The following LAMA1 variants were observed in gnomAD, a reference collection of about 807,000 sequenced individuals.
The protein encoded by LAMA1 is laminin subunit alpha-1.
LAMA1 carries 219 observed loss-of-function variants against 348.7 expected under a neutral mutation model. That is an observed-to-expected ratio of 0.63 (90% CI 0.56 to 0.70). LAMA1 has a LOEUF of 0.70. Among genes scored for constraint, LAMA1 ranks in the 30% least tolerant of loss-of-function variants. LAMA1 has a pLI of 0.00. For synonymous variants in LAMA1, 1,487 were observed against 1,491.0 expected (o/e 1.00, Z 0.06); for missense variants, 3,744 against 3,888.0 (o/e 0.96, Z 0.99).
chr18:7,098,958 T>C lies in LAMA1; in HGVS notation c.62-18501A>G, dbSNP rs551746913. 9.2e-5 allele frequency among the ~76,000 whole-genome samples: 14 copies of C among 152,084 alleles called. 1 individual carries two copies. Among genetic ancestry groups the C allele is most frequent in the East Asian group, 7.8e-4 (4 of 5,158 alleles). ...CCCTCTGCCCGGCCACCACCCCGTCTGGGAGGTGTACTCAACAGCTCATTG... is the reference window on the plus strand; with the variant it reads ...CCCTCTGCCCGGCCACCACCCCGTCCGGGAGGTGTACTCAACAGCTCATTG... On this transcript the variant is annotated intron_variant, in intron 1 of 62. Coordinates refer to ENST00000389658, the MANE Select transcript of LAMA1 (RefSeq NM_005559.4).
chr18:7,090,234 C>G (rs2058234231), intron 1 of LAMA1, among the ~76,000 whole-genome samples: 1 of 152,140 alleles, frequency 6.6e-6, no homozygotes, highest in South Asian at 2.1e-4. Context: ...TCTCAAAGAC[C>G]AGTATTCTCA....
At chr18:6,958,418 TAGCA>T in intron 55 of LAMA1, 55 bp downstream of exon 55, 1 of 1,553,172 alleles carries the variant, frequency 6.4e-7, no homozygotes, top group African/African-American at 1.4e-5. Context: ...AGATTAGTGT[TAGCA>T]CTCACCATGA....
chr18:6,965,218 T>G (rs1358529494), intron 50 of LAMA1, 70 bp downstream of exon 50: 1 of 1,586,020 alleles, frequency 6.3e-7, no homozygotes, highest in African/African-American at 1.3e-5. Context: ...AAAAAAAGAA[T>G]GCTGATTTTG....
intron 51 of LAMA1, among the ~76,000 whole-genome samples, chr18:6,963,021 G>C (rs1485143006): frequency 6.6e-6 from 1 of 151,996 alleles, no homozygotes; most frequent in African/African-American, 2.4e-5. Flanking sequence ...CTTCACAGGA[G>C]AGCTTTGCAA....
chr18:7,083,193 A>ACATTT (rs11374758), intron 1 of LAMA1, among the ~76,000 whole-genome samples: 1 of 141,074 alleles, frequency 7.1e-6, no homozygotes, highest in Non-Finnish European at 1.5e-5. Context: ...ATATATATAC[A>ACATTT]TTTTTTTTTT....
intron 1 of LAMA1, among the ~76,000 whole-genome samples, chr18:7,094,426 CA>C (rs1194222301): frequency 0.15 from 9,817 of 63,462 alleles, 329 homozygotes; most frequent in African/African-American, 0.2. Context: ...GACTCCGTCT[CA>C]AAAAAAAAAA....
intron 1 of LAMA1, among the ~76,000 whole-genome samples, chr18:7,107,209 G>A (rs924959631): frequency 6.8e-6 from 1 of 147,796 alleles, no homozygotes; most frequent in Admixed American, 6.9e-5. Context: ...AGCTCCGCCT[G>A]CCGGGTTCAC....
chr18:7,037,873 TA>T, intron 11 of LAMA1, 122 bp from the exon 12 acceptor site: 1 of 912,544 alleles, frequency 1.1e-6, no homozygotes, highest in South Asian at 1.4e-5. Flanking sequence ...GGGATGGCAT[TA>T]ACATAACACC....
intron 1 of LAMA1, among the ~76,000 whole-genome samples, chr18:7,085,497 C>A (rs1449461803): frequency 6.9e-6 from 1 of 145,564 alleles, no homozygotes; most frequent in Non-Finnish European, 1.5e-5. Flanking sequence ...CCGCTCACTG[C>A]AAGCTCCACC....
intron 42 of LAMA1, among the ~76,000 whole-genome samples, chr18:6,979,613 C>T (rs1356434239): frequency 6.6e-6 from 1 of 152,208 alleles, no homozygotes; most frequent in African/African-American, 2.4e-5. Context: ...CTATTTAAAA[C>T]TTTAGGCCAG....
intron 16 of LAMA1, among the ~76,000 whole-genome samples, chr18:7,031,336 C>G (rs1045022690): frequency 1.3e-5 from 2 of 152,146 alleles, no homozygotes; most frequent in African/African-American, 4.8e-5. Context: ...AGTTAAGAAA[C>G]AAGTCTTGCC....
At chr18:7,008,704 A>G in intron 27 of LAMA1, 96 bp from the exon 28 acceptor site, 2 of 1,439,438 alleles carry the variant, frequency 1.4e-6, no homozygotes, top group East Asian at 2.3e-5. Flanking sequence ...ATATGAAACC[A>G]GAGCTTTCTT....
chr18:7,102,227 A>G (rs985685946), intron 1 of LAMA1, among the ~76,000 whole-genome samples: 2 of 152,192 alleles, frequency 1.3e-5, no homozygotes, highest in South Asian at 2.1e-4. Flanking sequence ...ATATTTCTAA[A>G]GAGAATGGGC....
At chr18:6,985,206 C>G (rs1352269673) in intron 39 of LAMA1, 31 bp downstream of exon 39, 1 of 1,613,498 alleles carries the variant, frequency 6.2e-7, no homozygotes, top group South Asian at 1.1e-5. Flanking sequence ...AGACTGCAAG[C>G]TCTTGAGTTC....
chr18:6,985,714 C>T, intron 37 of LAMA1, 71 bp from the exon 38 acceptor site: 3 of 929,580 alleles, frequency 3.2e-6, no homozygotes, highest in Non-Finnish European at 5.3e-6. Context: ...GTGCCTAATG[C>T]TACGTGCAGA....
At chr18:7,058,542 G>T (rs985784996) in intron 3 of LAMA1, among the ~76,000 whole-genome samples, 1 of 152,210 alleles carries the variant, frequency 6.6e-6, no homozygotes, top group Non-Finnish European at 1.5e-5. Context: ...TCTTTAAAGA[G>T]GTGATTAAGT....
At chr18:7,065,861 C>G (rs2058120820) in intron 3 of LAMA1, among the ~76,000 whole-genome samples, 1 of 152,204 alleles carries the variant, frequency 6.6e-6, no homozygotes, top group South Asian at 2.1e-4. Flanking sequence ...TTTGACCTCA[C>G]AGTTTTCCTA....
intron 1 of LAMA1, among the ~76,000 whole-genome samples, chr18:7,113,309 G>A (rs936204713): frequency 2.6e-5 from 4 of 152,226 alleles, no homozygotes; most frequent in Non-Finnish European, 4.4e-5. Context: ...AGGTGCAGGC[G>A]TATCCCAGAT....
intron 5 of LAMA1, among the ~76,000 whole-genome samples, chr18:7,048,721 T>C (rs904970008): frequency 6.6e-6 from 1 of 152,210 alleles, no homozygotes; most frequent in Non-Finnish European, 1.5e-5. Flanking sequence ...CTTTCCTGAA[T>C]GTAAATTATG....
Sources: gnomAD v4.1 joint callset for allele counts (sites outside exome capture counted in the v4.1 genomes callset) on GRCh38, gnomAD v4.1.1 for gene constraint, MANE v1.5 for transcripts, NCBI Gene and HGNC (gene_info 2026-07-23, HGNC 2026-07-21) for gene names.